The following NR1H4 variants were observed in gnomAD, a reference collection of about 807,000 sequenced individuals.
The protein encoded by NR1H4 is nuclear receptor subfamily 1 group H member 4, also known as bile acid receptor.
A neutral mutation model predicts 58.5 loss-of-function variants in NR1H4; 23 were observed. The ratio of observed to expected loss-of-function variants is 0.39; its 90% CI spans 0.28 to 0.56. NR1H4 has a LOEUF of 0.56. NR1H4 is among the 20% of genes least tolerant of loss of function. The pLI, the probability that NR1H4 is intolerant of heterozygous loss-of-function variation, is 0.58. For missense variants in NR1H4, 487 were observed against 576.9 expected, an observed-to-expected ratio of 0.84 and a Z score of 1.60; for synonymous variants, 214 against 198.0, an observed-to-expected ratio of 1.08 and a Z score of -0.68.
At chr12:100,490,938 G>A (rs938653319) in intron 1 of NR1H4, among the ~76,000 whole-genome samples, 1 of 152,146 alleles carries the variant, frequency 6.6e-6, no homozygotes, top group Non-Finnish European at 1.5e-5. Flanking sequence ...TGGGACTACA[G>A]GTGTGCATCA....
At chr12:100,482,460 T>C (rs1432975183) in intron 1 of NR1H4, among the ~76,000 whole-genome samples, 1 of 152,232 alleles carries the variant, frequency 6.6e-6, no homozygotes, top group East Asian at 1.9e-4. Context: ...TATTTATTCA[T>C]GCAACCATTT....
In NR1H4 at chr12:100,503,154, C is replaced by T. The variant is rs938313514; in HGVS notation, c.80-7624C>T. Among the ~76,000 whole-genome samples the T allele has an allele frequency of 4.6e-5, 7 of 152,234 alleles. 1 individual carries two copies. Among genetic ancestry groups the T allele is most frequent in the Admixed American group, 4.6e-4 (7 of 15,300 alleles). ...TTGACCTCCAAGTCCAGTTTTAGAG[C>T]CAGTGAACAGAAACCCACCCTCTAA... On this transcript the variant is annotated intron_variant, in intron 3 of 10. Transcript: ENST00000392986.
chr12:100,556,184 T>C (rs1349694533), intron 9 of NR1H4, among the ~76,000 whole-genome samples: 1 of 152,176 alleles, frequency 6.6e-6, no homozygotes, highest in Non-Finnish European at 1.5e-5. Context: ...ATTCTCTTTA[T>C]AGGCTGGGTG....
At chr12:100,539,573 G>T (rs921619215) in intron 8 of NR1H4, among the ~76,000 whole-genome samples, 1 of 152,180 alleles carries the variant, frequency 6.6e-6, no homozygotes, top group African/African-American at 2.4e-5. Context: ...CTCTATTCAT[G>T]TGAGTGTATG....
intron 1 of NR1H4, among the ~76,000 whole-genome samples, chr12:100,476,256 C>T (rs999082435): frequency 6.6e-6 from 1 of 152,024 alleles, no homozygotes; most frequent in Non-Finnish European, 1.5e-5. Flanking sequence ...GGGGACCAGC[C>T]GTTAAGCATT....
chr12:100,556,407 C>T (rs544996494), intron 9 of NR1H4, among the ~76,000 whole-genome samples: 199 of 145,438 alleles, frequency 1.4e-3, no homozygotes, highest in South Asian at 4.4e-3. Context: ...GCGGAGTTTG[C>T]GGTGAGCCTA....
intron 8 of NR1H4, among the ~76,000 whole-genome samples, chr12:100,540,326 C>A (rs1194729633): frequency 6.6e-6 from 1 of 152,164 alleles, no homozygotes; most frequent in Non-Finnish European, 1.5e-5. Context: ...TGCTTCCAAT[C>A]TGCAGAGTTG....
At chr12:100,512,220 G>A (rs916093517) in intron 4 of NR1H4, among the ~76,000 whole-genome samples, 1 of 152,110 alleles carries the variant, frequency 6.6e-6, no homozygotes, top group Non-Finnish European at 1.5e-5. Flanking sequence ...ATGACAGAGA[G>A]AGACCCTGCC....
intron 9 of NR1H4, among the ~76,000 whole-genome samples, chr12:100,545,465 C>T (rs1187351684): frequency 2.0e-5 from 3 of 151,468 alleles, no homozygotes; most frequent in Non-Finnish European, 1.5e-5. Flanking sequence ...CAGAGCGAGA[C>T]TCCATCTTTA....
At chr12:100,505,676 C>T (rs1262407501) in intron 3 of NR1H4, 7 of 688,586 alleles carry the variant, frequency 1.0e-5, no homozygotes, top group Admixed American at 4.2e-5. Context: ...AATTCTCATA[C>T]TCTTTGATAG....
chr12:100,504,660 C>G (rs926013039), intron 3 of NR1H4, among the ~76,000 whole-genome samples: 4 of 152,162 alleles, frequency 2.6e-5, no homozygotes, highest in African/African-American at 4.8e-5. Flanking sequence ...ATTACAGCCT[C>G]TCATGCAGGC....
chr12:100,545,011 A>T (rs1340188251), intron 9 of NR1H4, among the ~76,000 whole-genome samples: 1 of 152,124 alleles, frequency 6.6e-6, no homozygotes, highest in African/African-American at 2.4e-5. Flanking sequence ...GAGGGGTGCA[A>T]TGTCTGCCAT....
At chr12:100,499,981 A>G (rs1192213147) in intron 3 of NR1H4, 2 of 455,828 alleles carry the variant, frequency 4.4e-6, no homozygotes, top group South Asian at 3.1e-5. Context: ...CATCACAAGT[A>G]CTCTATTTGC....
chr12:100,481,288 G>T (rs1953374497), intron 1 of NR1H4, among the ~76,000 whole-genome samples: 1 of 152,032 alleles, frequency 6.6e-6, no homozygotes, highest in Non-Finnish European at 1.5e-5. Flanking sequence ...TGACAAGTTA[G>T]TCACGGAGAA....
At chr12:100,510,749 A>G in intron 3 of NR1H4, 29 bp from the exon 4 acceptor site, 1 of 1,613,528 alleles carries the variant, frequency 6.2e-7, no homozygotes, top group Non-Finnish European at 8.5e-7. Context: ...GATGACATTC[A>G]TTCCAGTTTT....
intron 3 of NR1H4, among the ~76,000 whole-genome samples, chr12:100,495,917 A>G (rs1179084965): frequency 1.3e-5 from 2 of 152,136 alleles, no homozygotes; most frequent in Non-Finnish European, 2.9e-5. Flanking sequence ...ATGAATGAGT[A>G]GCCCACAGGC....
rs558464680 is a variant in NR1H4 at position 100,512,642 on chromosome 12, A to AG, written c.445+1499_445+1500insG. On this transcript the variant is annotated intron_variant, in intron 4 of 10. Transcript: ENST00000392986. ...GGCAACTGAGCGAGACTCCGTCTCC[A>AG]AAAAAAAAAAAAGACAATGTAAAAT... Among the ~76,000 whole-genome samples, 4 of 112,424 alleles carry AG rather than the reference A, an allele frequency of 3.6e-5. No individual in the cohort carries two copies. In the South Asian group the frequency reaches 1.1e-3, roughly 32 times the overall value. The allele number at this position is 112,424 out of a possible 152,430, so 73.8% of individuals were successfully genotyped here.
chr12:100,502,201 TG>T (rs1953851520), intron 3 of NR1H4, among the ~76,000 whole-genome samples: 1 of 152,134 alleles, frequency 6.6e-6, no homozygotes, highest in Non-Finnish European at 1.5e-5. Flanking sequence ...AGGCAGAAAA[TG>T]GTTCAGGAAT....
chr12:100,518,788 CT>C (rs34055370), intron 4 of NR1H4, among the ~76,000 whole-genome samples: 4,067 of 119,216 alleles, frequency 0.034, 48 homozygotes, highest in African/African-American at 0.061. Flanking sequence ...TGACCAATGA[CT>C]TTTTTTTTTT....
Sources: allele counts gnomAD v4.1 joint callset (sites outside exome capture counted in the v4.1 genomes callset), GRCh38; gene constraint gnomAD v4.1.1; transcripts MANE v1.5; gene names NCBI Gene and HGNC (gene_info 2026-07-23, HGNC 2026-07-21).